Variants in COL4A3 observed in about 807,000 individuals in gnomAD.
COL4A3 encodes the protein collagen alpha-3(IV) chain.
COL4A3 carries 135 observed loss-of-function variants against 217.4 expected under a neutral mutation model. The observed-to-expected ratio is 0.62, with a 90% CI of 0.54 to 0.72. COL4A3 has a LOEUF of 0.72. COL4A3 is among the 30% of genes least tolerant of loss of function. COL4A3 has a pLI of 0.00. For missense variants in COL4A3, 1,868 were observed against 2,119.9 expected, an observed-to-expected ratio of 0.88 and a Z score of 2.33; for synonymous variants, 690 against 736.3, an observed-to-expected ratio of 0.94 and a Z score of 1.02.
chr2:227,207,770 T>C, intron 1 of COL4A3, among the ~76,000 whole-genome samples: 1 of 152,176 alleles, frequency 6.6e-6, no homozygotes, highest in East Asian at 1.9e-4. Context: ...GGATTGTAAA[T>C]TGAGTGTTAT....
chr2:227,233,095 C>T (rs2068497170), intron 1 of COL4A3, among the ~76,000 whole-genome samples: 1 of 152,128 alleles, frequency 6.6e-6, no homozygotes, highest in South Asian at 2.1e-4. Flanking sequence ...CTAACTACAA[C>T]CTCAGCCTCC....
At chr2:227,310,249 G>A (rs1172032675) in intron 50 of COL4A3, among the ~76,000 whole-genome samples, 2 of 152,056 alleles carry the variant, frequency 1.3e-5, no homozygotes, top group African/African-American at 4.8e-5. Flanking sequence ...ATAGCTGCAC[G>A]CAGGTGGTTC....
At chr2:227,296,084 C>T (rs1461687518) in intron 41 of COL4A3, among the ~76,000 whole-genome samples, 1 of 152,224 alleles carries the variant, frequency 6.6e-6, no homozygotes, top group Admixed American at 6.5e-5. Flanking sequence ...CAGCAAAGAG[C>T]AGCTGGATGC....
At chr2:227,181,195 T>C (rs2065857577) in intron 1 of COL4A3, among the ~76,000 whole-genome samples, 1 of 152,250 alleles carries the variant, frequency 6.6e-6, no homozygotes, top group Admixed American at 6.5e-5. Context: ...CTGCCTTTCT[T>C]GTCTTTAAAA....
chr2:227,259,454 G>A (rs761732249), intron 18 of COL4A3, among the ~76,000 whole-genome samples: 6 of 152,150 alleles, frequency 3.9e-5, no homozygotes, highest in Non-Finnish European at 8.8e-5. Flanking sequence ...TCATTATTTT[G>A]TGAAACTTTA....
chr2:227,304,220 A>T (rs931869426), intron 46 of COL4A3, 76 bp downstream of exon 46: 18 of 1,569,068 alleles, frequency 1.1e-5, no homozygotes, highest in Non-Finnish European at 1.6e-5. Flanking sequence ...CTTTGGAAAC[A>T]GCTGATACAA....
rs2072007252 is a variant in COL4A3 at position 227,282,150 on chromosome 2, T to C, written c.2489-215T>C. Among the ~76,000 whole-genome samples, 1 of 151,944 alleles carries C rather than the reference T, an allele frequency of 6.6e-6. No individual in the cohort carries two copies. Among genetic ancestry groups the C allele is most frequent in the South Asian group, 2.1e-4 (1 of 4,820 alleles). On this transcript the variant is annotated intron_variant, in intron 31 of 51. Coordinates refer to ENST00000396578, the MANE Select transcript of COL4A3 (RefSeq NM_000091.5). This position sits in a 1 kb window ranked among gnomAD's most constrained non-coding sequence, Gnocchi z 4.4. ...AGCTATGCATTATGGTGCACGCCTG[T>C]AGTCCCAGCTATTTGGGAGGCTGAC...
At chr2:227,222,257 C>T (rs10201977) in intron 1 of COL4A3, 11,564 of 152,054 alleles carry the variant, frequency 0.076, 670 homozygotes, top group Admixed American at 0.13. Flanking sequence ...CCTGAGCTTG[C>T]TATCTTTCAA....
intron 41 of COL4A3, 139 bp downstream of exon 41, chr2:227,295,455 G>C: frequency 2.6e-6 from 2 of 761,934 alleles, no homozygotes; most frequent in Non-Finnish European, 4.6e-6. Flanking sequence ...TATCATCTTG[G>C]TCTTCAATTT....
chr2:227,303,016 G>A lies in COL4A3; in HGVS notation c.3883-22G>A, dbSNP rs1337499360. ...GATTTTAAAAATTTGTTTTGGTTCT[G>A]CTCCCTTTATTTGAAATATAGGGAG... On this transcript the variant is annotated intron_variant, in intron 43 of 51. Coordinates refer to ENST00000396578, the MANE Select transcript of COL4A3 (RefSeq NM_000091.5). 5.7e-6 allele frequency: 9 copies of A among 1,572,912 alleles called. No homozygotes were observed. In the Admixed American group the frequency reaches 8.3e-5, roughly 15 times the overall value.
chr2:227,172,442 CGGCG>C (rs2065513830), intron 1 of COL4A3, among the ~76,000 whole-genome samples: 1 of 152,024 alleles, frequency 6.6e-6, no homozygotes, highest in South Asian at 2.1e-4. Context: ...CAAGGTAGTT[CGGCG>C]GGGGTGGTTG....
chr2:227,270,684 A>T (rs1027750781), intron 24 of COL4A3, 86 bp from the exon 25 acceptor site: 8 of 1,338,934 alleles, frequency 6.0e-6, no homozygotes, highest in Non-Finnish European at 7.4e-6. Flanking sequence ...TTAAAATTGA[A>T]AAGTTCTTGT....
At position 227,229,911 on chromosome 2, in the gene COL4A3, C is replaced by T. The variant is rs191847205; in HGVS notation, c.88-8057C>T. On this transcript the variant is annotated intron_variant, in intron 1 of 51. Transcript: ENST00000396578. Reference sequence around the variant, plus strand: ...AAAAAAATACAAAAAATTAGCTGGGCGTGGTGGTGGGCGCCTATAGTCCCA... The same window carrying T: ...AAAAAAATACAAAAAATTAGCTGGGTGTGGTGGTGGGCGCCTATAGTCCCA... Among the ~76,000 whole-genome samples the T allele has an allele frequency of 4.6e-4, 70 of 151,896 alleles. No individual in the cohort carries two copies. In the East Asian group the frequency reaches 0.012, roughly 25 times the overall value.
chr2:227,253,656 T>G lies in COL4A3; in HGVS notation c.765+18T>G. 1 of 1,601,814 alleles carries G rather than the reference T, an allele frequency of 6.2e-7. No individual in the cohort carries two copies. The highest frequency in any genetic ancestry group is 8.6e-7 in the Non-Finnish European group (1 of 1,168,856). ...ACAGAACGGTAACTCTGCGATTTTA[T>G]GATTAGTGTTGTGCCTTCCCGTGTC... is the stretch of plus-strand genomic sequence containing the variant. On this transcript the variant is annotated intron_variant, in intron 13 of 51. Coordinates refer to ENST00000396578, the MANE Select transcript of COL4A3 (RefSeq NM_000091.5). The surrounding 1 kb of genome is among the most constrained non-coding windows in gnomAD (Gnocchi z 4.4).
chr2:227,297,866 G>A lies in COL4A3; in HGVS notation c.3751+7G>A, dbSNP rs750554079. The A allele has an allele frequency of 9.3e-5, 145 of 1,553,766 alleles. No homozygotes were observed. The highest frequency in any genetic ancestry group is 5.5e-4 in the Admixed American group (28 of 51,134). ...GGCTCAAGAGGAAGCCCAGGTAAAG[G>A]GTTTACTTTTAAACAGCATAAAATA... is the stretch of plus-strand genomic sequence containing the variant. On this transcript the variant is annotated splice_region_variant and intron_variant, in intron 42 of 51. Coordinates refer to ENST00000396578, the MANE Select transcript of COL4A3 (RefSeq NM_000091.5).
chr2:227,309,158 G>A, intron 49 of COL4A3, 46 bp from the exon 50 acceptor site: 1 of 1,610,178 alleles, frequency 6.2e-7, no homozygotes, highest in Non-Finnish European at 8.5e-7. Context: ...GCACATGACA[G>A]TGCAGAAAGT....
At chr2:227,278,010 A>G (rs932589723) in intron 28 of COL4A3, among the ~76,000 whole-genome samples, 13 of 152,200 alleles carry the variant, frequency 8.5e-5, no homozygotes, top group Non-Finnish European at 1.3e-4. Context: ...AAACACAGAG[A>G]AAACAACTAG....
intron 43 of COL4A3, 38 bp downstream of exon 43, chr2:227,298,850 A>C (rs2073152411): frequency 1.9e-6 from 3 of 1,577,168 alleles, no homozygotes; most frequent in Non-Finnish European, 2.6e-6. Context: ...TTATTAATTC[A>C]ATATCAACTT....
Position 227,285,386 on chromosome 2 carries a change from C to T in COL4A3, c.2881+1041C>T, listed in dbSNP as rs80012484. On this transcript the variant is annotated intron_variant, in intron 34 of 51. Coordinates refer to ENST00000396578, the MANE Select transcript of COL4A3 (RefSeq NM_000091.5). ...AGTAAAGGCCTTCTATGTACATAGT[C>T]CTCATCTAACCTGGTGTTGAAGAGA... 1.1e-4 allele frequency among the ~76,000 whole-genome samples: 17 copies of T among 151,024 alleles called. No individual in the cohort carries two copies. The East Asian group carries it at 3.3e-3, about 29-fold the overall frequency.
Sources: gnomAD v4.1 joint callset for allele counts (sites outside exome capture counted in the v4.1 genomes callset) on GRCh38, gnomAD v4.1.1 for gene constraint, Gnocchi (gnomAD v3.1) non-coding constraint, MANE v1.5 for transcripts, NCBI Gene and HGNC (gene_info 2026-07-23, HGNC 2026-07-21) for gene names.